CCDC60: variants seen among roughly 807,000 people sequenced by gnomAD.
CCDC60 encodes coiled-coil domain containing 60.
Under a neutral mutation model 63.5 loss-of-function variants are expected in CCDC60, and 54 were observed. The ratio of observed to expected loss-of-function variants is 0.85; its 90% CI spans 0.68 to 1.07. The LOEUF (loss-of-function observed/expected upper bound fraction) is 1.07, where lower values mean the gene tolerates loss of function less well. Among genes scored for constraint, CCDC60 ranks in the 50% least tolerant of loss-of-function variants. CCDC60 has a pLI of 0.00. For missense variants in CCDC60, 651 were observed against 684.3 expected (o/e 0.95, Z 0.54); for synonymous variants, 206 against 238.8 (o/e 0.86, Z 1.27).
In CCDC60 at chr12:119,372,272, T is replaced by A. The variant is rs529613008; in HGVS notation, c.90+37006T>A. Among the ~76,000 whole-genome samples, 154 of 152,040 alleles carry A rather than the reference T, an allele frequency of 1.0e-3. 1 individual carries two copies. The highest frequency in any genetic ancestry group is 3.6e-3 in the African/African-American group (149 of 41,466). ...AAGACTGTGTCTCAAAAATAAAAAA[T>A]AAGAATGGCAGGTAAGCATGATCTT... On this transcript the variant is annotated intron_variant, in intron 1 of 13. Transcript: ENST00000327554.
chr12:119,352,664 T>C (rs1299843181), intron 1 of CCDC60, among the ~76,000 whole-genome samples: 1 of 152,126 alleles, frequency 6.6e-6, no homozygotes, highest in Non-Finnish European at 1.5e-5. Flanking sequence ...CAGTCAGACA[T>C]GGTGGCTCAT....
intron 1 of CCDC60, among the ~76,000 whole-genome samples, chr12:119,360,367 G>C (rs370455776): frequency 1.2e-5 from 1 of 84,824 alleles, no homozygotes; most frequent in African/African-American, 5.1e-5. Context: ...CCTCCCGGAC[G>C]GGGCGGCTGG....
At chr12:119,337,463 A>T (rs1468311307) in intron 1 of CCDC60, among the ~76,000 whole-genome samples, 1 of 152,210 alleles carries the variant, frequency 6.6e-6, no homozygotes, top group Non-Finnish European at 1.5e-5. Context: ...CGGGAATGTC[A>T]TAGAGCTTCC....
At chr12:119,355,236 T>C (rs1955704349) in intron 1 of CCDC60, among the ~76,000 whole-genome samples, 1 of 152,164 alleles carries the variant, frequency 6.6e-6, no homozygotes, top group Non-Finnish European at 1.5e-5. Context: ...ATCTTCTACA[T>C]TGTCTTCCTA....
intron 2 of CCDC60, among the ~76,000 whole-genome samples, chr12:119,434,340 T>C (rs547340427): frequency 1.8e-4 from 28 of 152,320 alleles, no homozygotes; most frequent in African/African-American, 6.5e-4. Context: ...TCTGTACTCA[T>C]TCATTTTTTT....
intron 1 of CCDC60, among the ~76,000 whole-genome samples, chr12:119,372,439 G>A (rs1222993400): frequency 6.6e-6 from 1 of 152,178 alleles, no homozygotes; most frequent in African/African-American, 2.4e-5. Flanking sequence ...CTGATGTATA[G>A]AACCCTAGTA....
At chr12:119,438,095 G>A (rs1950362462) in intron 2 of CCDC60, among the ~76,000 whole-genome samples, 1 of 152,188 alleles carries the variant, frequency 6.6e-6, no homozygotes, top group Non-Finnish European at 1.5e-5. Flanking sequence ...TCTTGGATGT[G>A]ACCCAGAGGC....
intron 2 of CCDC60, among the ~76,000 whole-genome samples, chr12:119,453,046 C>T (rs537416946): frequency 3.5e-4 from 53 of 152,242 alleles, no homozygotes; most frequent in African/African-American, 1.1e-3. Flanking sequence ...AGACTGGTCT[C>T]GAACTCCTGA....
chr12:119,430,540 G>A (rs111233246), intron 2 of CCDC60, among the ~76,000 whole-genome samples: 1,744 of 151,818 alleles, frequency 0.011, 45 homozygotes, highest in African/African-American at 0.038. Flanking sequence ...GGTGGTGGGC[G>A]CCTGTAGTCC....
At chr12:119,486,382 A>G (rs570377266) in intron 4 of CCDC60, among the ~76,000 whole-genome samples, 1 of 152,282 alleles carries the variant, frequency 6.6e-6, no homozygotes, top group African/African-American at 2.4e-5. Flanking sequence ...ACAAAAAAAA[A>G]TAAAAATTAG....
At chr12:119,525,774 A>G (rs1952662548) in intron 11 of CCDC60, among the ~76,000 whole-genome samples, 1 of 152,204 alleles carries the variant, frequency 6.6e-6, no homozygotes, top group African/African-American at 2.4e-5. Context: ...GACACAAACA[A>G]ATGGAAAAAC....
intron 2 of CCDC60, among the ~76,000 whole-genome samples, chr12:119,434,403 C>T (rs946173850): frequency 1.3e-5 from 2 of 151,900 alleles, no homozygotes; most frequent in African/African-American, 4.8e-5. Context: ...CCAGGCATTG[C>T]TGTATATATT....
At chr12:119,451,862 G>C (rs1391264579) in intron 2 of CCDC60, among the ~76,000 whole-genome samples, 1 of 152,180 alleles carries the variant, frequency 6.6e-6, no homozygotes, top group Non-Finnish European at 1.5e-5. Flanking sequence ...TGAATCATGA[G>C]AAATGTTGCC....
At chr12:119,468,147 C>T (rs1021249766) in intron 2 of CCDC60, among the ~76,000 whole-genome samples, 1 of 151,998 alleles carries the variant, frequency 6.6e-6, no homozygotes, top group Non-Finnish European at 1.5e-5. Flanking sequence ...AATAAATTAG[C>T]CGGGCATGGT....
intron 1 of CCDC60, among the ~76,000 whole-genome samples, chr12:119,383,353 G>T (rs1231061104): frequency 2.0e-5 from 3 of 152,216 alleles, no homozygotes; most frequent in Non-Finnish European, 4.4e-5. Context: ...CTATTTCAGA[G>T]ACAGGAAGCT....
intron 1 of CCDC60, among the ~76,000 whole-genome samples, chr12:119,383,773 C>T (rs2136187719): frequency 6.6e-6 from 1 of 152,258 alleles, no homozygotes; most frequent in Middle Eastern, 3.4e-3. Context: ...CTGAATAAAA[C>T]GCAATCTAGA....
intron 4 of CCDC60, 152 bp downstream of exon 4, chr12:119,479,353 A>G (rs1951249819): frequency 3.3e-6 from 2 of 600,250 alleles, no homozygotes; most frequent in South Asian, 2.0e-5. Flanking sequence ...TTTGGCATAT[A>G]AAAATAACAG....
chr12:119,393,454 A>C (rs1352193925), intron 1 of CCDC60, among the ~76,000 whole-genome samples: 5 of 152,126 alleles, frequency 3.3e-5, no homozygotes, highest in Non-Finnish European at 7.3e-5. Context: ...GCTGCTCCCG[A>C]ATTGTATTTA....
intron 1 of CCDC60, among the ~76,000 whole-genome samples, chr12:119,346,774 C>CTCTTTCTT (rs61270891): frequency 0.042 from 5,283 of 125,232 alleles, 220 homozygotes; most frequent in African/African-American, 0.076. Context: ...ACTCATCTTT[C>CTCTTTCTT]TCTTTCTTTC....
Sources: gnomAD v4.1 joint callset for allele counts (sites outside exome capture counted in the v4.1 genomes callset) on GRCh38, gnomAD v4.1.1 for gene constraint, MANE v1.5 for transcripts, NCBI Gene and HGNC (gene_info 2026-07-23, HGNC 2026-07-21) for gene names.